ABTB3: variants seen among roughly 807,000 people sequenced by gnomAD.
The protein encoded by ABTB3 is ankyrin repeat- and BTB/POZ domain-containing protein 3.
chr12:107,600,824 G>A, the ABTB3 span, among the ~76,000 whole-genome samples: 1 of 152,320 alleles, frequency 6.6e-6, no homozygotes. Context: ...TGGAGCCACG[G>A]CAGAGCTCTC....
the ABTB3 span, among the ~76,000 whole-genome samples, chr12:107,607,661 A>C: frequency 6.6e-6 from 1 of 152,158 alleles, no homozygotes; most frequent in Non-Finnish European, 1.5e-5. Flanking sequence ...TTCTGGCTCC[A>C]GTCCTTGGAG....
At chr12:107,321,655 A>G in the ABTB3 span, among the ~76,000 whole-genome samples, 1 of 151,986 alleles carries the variant, frequency 6.6e-6, no homozygotes, top group Admixed American at 6.6e-5. Context: ...ACTAAGATGG[A>G]AACATCTGGG....
chr12:107,441,120 T>G, the ABTB3 span, among the ~76,000 whole-genome samples: 1 of 152,044 alleles, frequency 6.6e-6, no homozygotes, highest in Admixed American at 6.6e-5. Context: ...AATCTTAGAG[T>G]GCCTAAGAAT....
chr12:107,386,978 C>CTT, the ABTB3 span, among the ~76,000 whole-genome samples: 31 of 134,006 alleles, frequency 2.3e-4, no homozygotes, highest in East Asian at 6.0e-3. Context: ...CAGCTACATT[C>CTT]TTTTTTTTTT....
the ABTB3 span, among the ~76,000 whole-genome samples, chr12:107,331,513 G>A: frequency 6.6e-6 from 1 of 152,114 alleles, no homozygotes; most frequent in Non-Finnish European, 1.5e-5. Context: ...TTGGGCTTCC[G>A]GGGGGACCGG....
At chr12:107,505,248 G>A in the ABTB3 span, among the ~76,000 whole-genome samples, 2 of 151,914 alleles carry the variant, frequency 1.3e-5, no homozygotes, top group East Asian at 3.9e-4. Context: ...ATTAATCTGG[G>A]AAATAAGTAG....
the ABTB3 span, among the ~76,000 whole-genome samples, chr12:107,619,551 C>T: frequency 3.3e-5 from 5 of 152,194 alleles, no homozygotes; most frequent in African/African-American, 9.7e-5. Context: ...GGCACATCCA[C>T]TCTTTAATCC....
At chr12:107,618,268 C>T in the ABTB3 span, 1 of 1,613,656 alleles carries the variant, frequency 6.2e-7, no homozygotes, top group Admixed American at 1.7e-5. Context: ...GCCCCGCCCC[C>T]CTTGTGCGCC....
chr12:107,609,285 A>T, the ABTB3 span, among the ~76,000 whole-genome samples: 2 of 152,250 alleles, frequency 1.3e-5, no homozygotes, highest in Non-Finnish European at 2.9e-5. Context: ...ACAGGTATTC[A>T]ATAAATGCTT....
the ABTB3 span, chr12:107,610,156 G>T: frequency 4.3e-6 from 7 of 1,613,402 alleles, no homozygotes; most frequent in Non-Finnish European, 4.2e-6. Flanking sequence ...CTGGGAAGCC[G>T]CTGTACCCGC....
At chr12:107,319,486 G>T in the ABTB3 span, 2 of 1,596,434 alleles carry the variant, frequency 1.3e-6, no homozygotes. Flanking sequence ...CGGCGGCTGC[G>T]CTGGCCGCAC....
At chr12:107,520,152 C>A in the ABTB3 span, 1 of 890,810 alleles carries the variant, frequency 1.1e-6, no homozygotes. Flanking sequence ...AGTGACCTGA[C>A]CACCAGAGTC....
At chr12:107,455,346 T>G in the ABTB3 span, among the ~76,000 whole-genome samples, 2 of 152,214 alleles carry the variant, frequency 1.3e-5, no homozygotes, top group Non-Finnish European at 2.9e-5. Context: ...TTCTTTCATA[T>G]CTCTGTGCTG....
chr12:107,498,655 C>T, the ABTB3 span, among the ~76,000 whole-genome samples: 2 of 152,276 alleles, frequency 1.3e-5, no homozygotes, highest in East Asian at 3.9e-4. Context: ...ATCACTCTGA[C>T]ACTGAATCCC....
chr12:107,521,976 A>G, the ABTB3 span, among the ~76,000 whole-genome samples: 2 of 152,114 alleles, frequency 1.3e-5, no homozygotes, highest in Non-Finnish European at 1.5e-5. Context: ...GGCTTAAAAC[A>G]CAGACATTTA....
the ABTB3 span, among the ~76,000 whole-genome samples, chr12:107,515,728 G>A: frequency 6.6e-6 from 1 of 152,162 alleles, no homozygotes; most frequent in Non-Finnish European, 1.5e-5. Context: ...GCAGGAGGCT[G>A]GGCTTGGATG....
the ABTB3 span, among the ~76,000 whole-genome samples, chr12:107,642,642 C>T: frequency 0.02 from 3,077 of 152,272 alleles, 35 homozygotes; most frequent in Non-Finnish European, 0.033. Context: ...TTGGTTAGAA[C>T]ATTCCAGACA....
the ABTB3 span, among the ~76,000 whole-genome samples, chr12:107,484,597 CT>C: frequency 0.014 from 1,928 of 139,800 alleles, 42 homozygotes; most frequent in African/African-American, 0.042. Context: ...TCTGATCTGA[CT>C]TTTTTTTTTT....
chr12:107,524,206 G>C, the ABTB3 span, among the ~76,000 whole-genome samples: 2 of 152,166 alleles, frequency 1.3e-5, no homozygotes, highest in African/African-American at 4.8e-5. Flanking sequence ...AATGGGTTTT[G>C]TACATTCATT....
Sources: allele counts gnomAD v4.1 joint callset (sites outside exome capture counted in the v4.1 genomes callset), GRCh38; gene constraint gnomAD v4.1.1; transcripts MANE v1.5; gene names NCBI Gene and HGNC (gene_info 2026-07-23, HGNC 2026-07-21).